The following NELL2 variants were observed in gnomAD, a reference collection of about 807,000 sequenced individuals.
NELL2 encodes protein kinase C-binding protein NELL2.
Under a neutral mutation model 109.6 loss-of-function variants are expected in NELL2, and 41 were observed. The observed-to-expected ratio is 0.37, with a 90% CI of 0.29 to 0.49. NELL2 has a LOEUF of 0.49. Ranked by LOEUF, NELL2 falls within the 20% of genes least tolerant of loss-of-function variation. The pLI is 0.98. For synonymous variants in NELL2, 355 were observed against 344.7 expected (o/e 1.03, Z -0.33); for missense variants, 900 against 1,008.3 (o/e 0.89, Z 1.45).
upstream of NELL2, chr12:44,876,804 C>G: frequency 7.3e-7 from 1 of 1,370,790 alleles, no homozygotes; most frequent in Middle Eastern, 2.7e-4. Context: ...GGAAGGCCAC[C>G]AAAACACGCT....
intron 16 of NELL2, among the ~76,000 whole-genome samples, chr12:44,524,320 C>T (rs1941674391): frequency 1.3e-5 from 2 of 152,074 alleles, no homozygotes; most frequent in African/African-American, 2.4e-5. Flanking sequence ...TTTTTATTTA[C>T]CCCCGTAATT....
At chr12:44,592,508 G>A (rs1944792206) in intron 15 of NELL2, among the ~76,000 whole-genome samples, 1 of 152,052 alleles carries the variant, frequency 6.6e-6, no homozygotes, top group African/African-American at 2.4e-5. Flanking sequence ...GACAGACACA[G>A]AACAAGAGGG....
intron 2 of NELL2, among the ~76,000 whole-genome samples, chr12:44,860,293 C>G (rs1944800074): frequency 6.6e-6 from 1 of 152,120 alleles, no homozygotes; most frequent in Admixed American, 6.6e-5. Context: ...AATGAGAACT[C>G]AAAAGAAAGT....
chr12:44,913,265 C>T (rs1945799126), intron 1 of NELL2, among the ~76,000 whole-genome samples: 1 of 152,072 alleles, frequency 6.6e-6, no homozygotes, highest in Non-Finnish European at 1.5e-5. Context: ...TCAATCTTTA[C>T]CCTAGATAGT....
At chr12:44,535,066 A>G (rs1346863646) in intron 15 of NELL2, among the ~76,000 whole-genome samples, 1 of 152,046 alleles carries the variant, frequency 6.6e-6, no homozygotes, top group East Asian at 1.9e-4. Flanking sequence ...AATATACTCC[A>G]TAAAGTTTAA....
intron 19 of NELL2, among the ~76,000 whole-genome samples, chr12:44,518,547 A>G: frequency 6.6e-6 from 1 of 152,144 alleles, no homozygotes; most frequent in Non-Finnish European, 1.5e-5. Flanking sequence ...GCCCGGCCTC[A>G]TTCAAATTCT....
chr12:44,788,753 T>G (rs534943380), intron 3 of NELL2, among the ~76,000 whole-genome samples: 1 of 152,170 alleles, frequency 6.6e-6, no homozygotes, highest in Non-Finnish European at 1.5e-5. Flanking sequence ...GGGAGGTGGG[T>G]AGCCTGGAGC....
chr12:44,680,699 G>A (rs1948466893), intron 12 of NELL2, among the ~76,000 whole-genome samples: 1 of 152,042 alleles, frequency 6.6e-6, no homozygotes, highest in Non-Finnish European at 1.5e-5. Context: ...GTTTTCTGTG[G>A]AATAATAATT....
At chr12:44,538,791 T>TA (rs1942409722) in intron 15 of NELL2, among the ~76,000 whole-genome samples, 1 of 152,196 alleles carries the variant, frequency 6.6e-6, no homozygotes, top group Non-Finnish European at 1.5e-5. Context: ...GTCCCCTGTG[T>TA]TGATGTCAGG....
At chr12:44,720,507 C>A (rs1485867461) in intron 9 of NELL2, among the ~76,000 whole-genome samples, 1 of 152,136 alleles carries the variant, frequency 6.6e-6, no homozygotes, top group African/African-American at 2.4e-5. Flanking sequence ...TTTGAAACAT[C>A]TGAAATGGGA....
intron 15 of NELL2, among the ~76,000 whole-genome samples, chr12:44,557,185 GT>G: frequency 6.6e-6 from 1 of 152,248 alleles, no homozygotes; most frequent in Non-Finnish European, 1.5e-5. Context: ...GCTTTGGAAA[GT>G]TTATCTTTGG....
Position 44,625,495 on chromosome 12 carries a change from C to T in NELL2, c.1445-14525G>A, listed in dbSNP as rs188375414. On this transcript the variant is annotated intron_variant, in intron 13 of 19. Transcript: ENST00000429094. ...ATATTATTTATCATTGCCAAACCTT[C>T]GGCAGGTACCCCTGCTATATCCTGT... Among the ~76,000 whole-genome samples, 15 of 152,172 alleles carry T rather than the reference C, an allele frequency of 9.9e-5. No homozygotes were observed. In the East Asian group the frequency reaches 1.7e-3, roughly 18 times the overall value.
At chr12:44,817,508 T>C (rs1394415882) in intron 2 of NELL2, among the ~76,000 whole-genome samples, 32 of 152,114 alleles carry the variant, frequency 2.1e-4, no homozygotes, top group Non-Finnish European at 2.9e-5. Context: ...GGGGGGAAAG[T>C]AGCCAACAGA....
At chr12:44,731,400 T>C (rs116210134) in intron 9 of NELL2, among the ~76,000 whole-genome samples, 5 of 150,756 alleles carry the variant, frequency 3.3e-5, no homozygotes, top group African/African-American at 1.2e-4. Flanking sequence ...TACACCATGA[T>C]AAAGTGGTAT....
At chr12:44,556,438 C>A (rs1247301807) in intron 15 of NELL2, among the ~76,000 whole-genome samples, 1 of 152,086 alleles carries the variant, frequency 6.6e-6, no homozygotes, top group East Asian at 1.9e-4. Flanking sequence ...ACCCAGCACC[C>A]AAATGGCAAT....
At chr12:44,642,588 T>C (rs1946902991) in intron 13 of NELL2, among the ~76,000 whole-genome samples, 1 of 152,082 alleles carries the variant, frequency 6.6e-6, no homozygotes, top group Non-Finnish European at 1.5e-5. Context: ...CCCTTAAAAT[T>C]TGTGAAGAAG....
At chr12:44,715,017 C>G (rs1460501710) in intron 9 of NELL2, among the ~76,000 whole-genome samples, 1 of 151,852 alleles carries the variant, frequency 6.6e-6, no homozygotes, top group African/African-American at 2.4e-5. Flanking sequence ...AGCAGACTTA[C>G]AGCCAATTAC....
At chr12:44,881,153 C>A (rs1266145268), upstream of NELL2, among the ~76,000 whole-genome samples, 1 of 151,980 alleles carries the variant, frequency 6.6e-6, no homozygotes, top group African/African-American at 2.4e-5. Flanking sequence ...AAAAATCCAA[C>A]ATTCACCACA....
intron 15 of NELL2, among the ~76,000 whole-genome samples, chr12:44,562,916 C>T (rs1943520983): frequency 1.3e-5 from 2 of 152,140 alleles, no homozygotes; most frequent in Non-Finnish European, 2.9e-5. Context: ...GGAAGCAACC[C>T]AAATGCCCAT....
Sources: allele counts gnomAD v4.1 joint callset (sites outside exome capture counted in the v4.1 genomes callset), GRCh38; gene constraint gnomAD v4.1.1; transcripts MANE v1.5; gene names NCBI Gene and HGNC (gene_info 2026-07-23, HGNC 2026-07-21).